Variants in PPP3CA observed in about 807,000 individuals in gnomAD.
PPP3CA encodes protein phosphatase 3 catalytic subunit alpha.
PPP3CA carries 14 observed loss-of-function variants against 66.5 expected under a neutral mutation model. The ratio of observed to expected loss-of-function variants is 0.21; its 90% CI spans 0.14 to 0.33. The LOEUF (loss-of-function observed/expected upper bound fraction) is 0.33, where lower values mean the gene tolerates loss of function less well. PPP3CA is among the 10% of genes least tolerant of loss of function. PPP3CA has a pLI of 1.00. For missense variants in PPP3CA, 317 were observed against 639.5 expected (o/e 0.50, Z 5.44); for synonymous variants, 232 against 226.2 (o/e 1.03, Z -0.23).
rs565723949 is a variant in PPP3CA at position 101,196,159 on chromosome 4, A to G, written c.59-43T>C. The G allele has an allele frequency of 7.4e-5, 116 of 1,562,424 alleles. 1 individual carries two copies. In the South Asian group the frequency reaches 1.2e-3, roughly 17 times the overall value. On this transcript the variant is annotated intron_variant, in intron 1 of 13. Transcript: ENST00000394854. ...TAATTATTACATTAGCCAAAACTCAACAACAAACAATGCAATAATAACCAC... is the reference window on the plus strand; with the variant it reads ...TAATTATTACATTAGCCAAAACTCAGCAACAAACAATGCAATAATAACCAC...
At chr4:101,031,980 G>T in intron 12 of PPP3CA, among the ~76,000 whole-genome samples, 1 of 152,186 alleles carries the variant, frequency 6.6e-6, no homozygotes, top group Non-Finnish European at 1.5e-5. Flanking sequence ...AACCTATTGT[G>T]CATGTAGGCA....
Position 101,215,016 on chromosome 4 carries a change from G to A in PPP3CA, c.59-18900C>T, listed in dbSNP as rs3804375. Among the ~76,000 whole-genome samples the A allele has an allele frequency of 5.0e-3, 762 of 152,022 alleles. 13 individuals are homozygous for A. The East Asian group carries it at 0.051, about 10-fold the overall frequency. On this transcript the variant is annotated intron_variant, in intron 1 of 13. Coordinates refer to ENST00000394854, the MANE Select transcript of PPP3CA (RefSeq NM_000944.5). ...ATAATCAAACATTTTCATCCTTAAG[G>A]TGTAACAGCATAACAATGTACCTCT...
chr4:101,143,159 T>TGTCAC (rs141440802), intron 2 of PPP3CA, among the ~76,000 whole-genome samples: 1,925 of 152,272 alleles, frequency 0.013, 47 homozygotes, highest in African/African-American at 0.044. Flanking sequence ...CTACTTCCTA[T>TGTCAC]GTCACGTCAC....
At chr4:101,213,912 G>A in intron 1 of PPP3CA, among the ~76,000 whole-genome samples, 1 of 152,056 alleles carries the variant, frequency 6.6e-6, no homozygotes, top group East Asian at 1.9e-4. Context: ...GAAGGAAATT[G>A]AAGAATTCCA....
chr4:101,084,342 T>C (rs1044439489), intron 6 of PPP3CA, among the ~76,000 whole-genome samples: 1 of 152,128 alleles, frequency 6.6e-6, no homozygotes, highest in Non-Finnish European at 1.5e-5. Context: ...AAATTATCAT[T>C]AAGATAACAT....
chr4:101,268,099 A>G (rs1727224643), intron 1 of PPP3CA, among the ~76,000 whole-genome samples: 1 of 151,948 alleles, frequency 6.6e-6, no homozygotes, highest in African/African-American at 2.4e-5. Flanking sequence ...TTGAGTCCAG[A>G]AGTTTAAGGT....
chr4:101,336,348 A>G (rs996636502), intron 1 of PPP3CA, among the ~76,000 whole-genome samples: 1 of 152,054 alleles, frequency 6.6e-6, no homozygotes, highest in Non-Finnish European at 1.5e-5. Context: ...AGGCAGGTGG[A>G]TCACTTGAGG....
intron 8 of PPP3CA, 28 bp from the exon 9 acceptor site, chr4:101,063,385 G>T: frequency 6.3e-7 from 1 of 1,592,456 alleles, no homozygotes; most frequent in Non-Finnish European, 8.6e-7. Flanking sequence ...AGGATGTTAG[G>T]AACACAGAAC....
At chr4:101,084,980 C>G (rs1051352435) in intron 6 of PPP3CA, among the ~76,000 whole-genome samples, 32 of 152,248 alleles carry the variant, frequency 2.1e-4, no homozygotes, top group African/African-American at 7.5e-4. Flanking sequence ...GGCTTCTGTT[C>G]TGCTTAAAGA....
At chr4:101,094,696 T>C (rs1281354093) in intron 5 of PPP3CA, among the ~76,000 whole-genome samples, 1 of 152,220 alleles carries the variant, frequency 6.6e-6, no homozygotes, top group Non-Finnish European at 1.5e-5. Flanking sequence ...TATAAATGTT[T>C]AGTGAAGTCA....
At position 101,024,439 on chromosome 4, in the gene PPP3CA, G is replaced by C. The variant is rs1726531119; in HGVS notation, c.*1426C>G. ...TCAGAAGTCAAATTACAAAGGCAAGGCTTTAGGCTGTAGTGAATTACTTGG... is the reference window on the plus strand; with the variant it reads ...TCAGAAGTCAAATTACAAAGGCAAGCCTTTAGGCTGTAGTGAATTACTTGG... On this transcript the variant is annotated 3_prime_UTR_variant, in exon 14 of 14. Transcript: ENST00000394854. 1 of 152,624 alleles carries C rather than the reference G, an allele frequency of 6.6e-6. No homozygotes were observed. Among genetic ancestry groups the C allele is most frequent in the African/African-American group, 2.4e-5 (1 of 41,438 alleles). The allele number at this position is 152,624 out of a possible 1,614,324, so 9.5% of individuals were successfully genotyped here.
intron 1 of PPP3CA, among the ~76,000 whole-genome samples, chr4:101,300,875 A>T (rs1728353964): frequency 6.6e-6 from 1 of 152,122 alleles, no homozygotes; most frequent in African/African-American, 2.4e-5. Flanking sequence ...AATATCTCTG[A>T]ATAATTCTGA....
intron 8 of PPP3CA, among the ~76,000 whole-genome samples, chr4:101,064,410 C>T (rs1436291167): frequency 6.6e-6 from 1 of 151,888 alleles, no homozygotes; most frequent in Non-Finnish European, 1.5e-5. Context: ...CTCAAGCATA[C>T]CTTCTTAGGC....
At chr4:101,039,313 C>G (rs1727399457) in intron 11 of PPP3CA, among the ~76,000 whole-genome samples, 1 of 145,104 alleles carries the variant, frequency 6.9e-6, no homozygotes, top group East Asian at 1.9e-4. Context: ...AGTTCTTTAT[C>G]TCCCACTTGC....
At chr4:101,275,965 G>A (rs1432849833) in intron 1 of PPP3CA, among the ~76,000 whole-genome samples, 1 of 151,266 alleles carries the variant, frequency 6.6e-6, no homozygotes, top group Non-Finnish European at 1.5e-5. Flanking sequence ...GGAAATCATA[G>A]TTCACTGCAG....
intron 1 of PPP3CA, among the ~76,000 whole-genome samples, chr4:101,217,217 T>A (rs1261285317): frequency 6.6e-6 from 1 of 152,122 alleles, no homozygotes; most frequent in Non-Finnish European, 1.5e-5. Context: ...ATTTGGGGCC[T>A]GACTCCACCA....
chr4:101,030,701 C>G (rs1726908383), intron 12 of PPP3CA, among the ~76,000 whole-genome samples: 1 of 152,062 alleles, frequency 6.6e-6, no homozygotes, highest in Non-Finnish European at 1.5e-5. Flanking sequence ...AGCAAAACAT[C>G]CAGAATCACA....
chr4:101,148,973 G>A (rs1049763406), intron 2 of PPP3CA, among the ~76,000 whole-genome samples: 1 of 152,056 alleles, frequency 6.6e-6, no homozygotes. Context: ...TTACTAGCAT[G>A]CCATATTAAT....
At chr4:101,165,242 A>G (rs2110310325) in intron 2 of PPP3CA, among the ~76,000 whole-genome samples, 1 of 152,314 alleles carries the variant, frequency 6.6e-6, no homozygotes, top group African/African-American at 2.4e-5. Flanking sequence ...GATACTGCAC[A>G]TGGTTTAAAA....
Sources: allele counts gnomAD v4.1 joint callset (sites outside exome capture counted in the v4.1 genomes callset), GRCh38; gene constraint gnomAD v4.1.1; transcripts MANE v1.5; gene names NCBI Gene and HGNC (gene_info 2026-07-23, HGNC 2026-07-21).